Variants in CELF2 observed in about 807,000 individuals in gnomAD.
The protein encoded by CELF2 is CUG triplet repeat RNA-binding protein 2.
A neutral mutation model predicts 62.6 loss-of-function variants in CELF2; 8 were observed. The ratio of observed to expected loss-of-function variants is 0.13; its 90% CI spans 0.07 to 0.23. The LOEUF (loss-of-function observed/expected upper bound fraction) is 0.23, where lower values mean the gene tolerates loss of function less well. Among genes scored for constraint, CELF2 ranks in the 10% least tolerant of loss-of-function variants. The probability of loss-of-function intolerance (pLI) is 1.00; values close to 1 mark genes in which losing one functional copy is unlikely to be tolerated. For missense variants in CELF2, 333 were observed against 671.0 expected (o/e 0.50, Z 5.56); for synonymous variants, 258 against 250.0 (o/e 1.03, Z -0.30).
At chr10:11,176,675 A>G (rs2071266392) in intron 2 of CELF2, among the ~76,000 whole-genome samples, 2 of 152,160 alleles carry the variant, frequency 1.3e-5, no homozygotes, top group Admixed American at 1.3e-4. Context: ...GACTAGATGG[A>G]CTAGAAAACA....
the CELF2 span, among the ~76,000 whole-genome samples, chr10:10,575,644 GC>G: frequency 6.6e-6 from 1 of 152,152 alleles, no homozygotes; most frequent in Non-Finnish European, 1.5e-5. Flanking sequence ...AGAATTGAAA[GC>G]TTAGCTTCCC....
chr10:10,913,899 G>A (rs554218595), intron 1 of CELF2, among the ~76,000 whole-genome samples: 15 of 45,912 alleles, frequency 3.3e-4, no homozygotes, highest in Non-Finnish European at 3.8e-4. Context: ...GGAAGGGAGG[G>A]AGGGAGGGAC....
the CELF2 span, among the ~76,000 whole-genome samples, chr10:10,724,948 A>G: frequency 8.1e-6 from 1 of 123,322 alleles, no homozygotes; most frequent in Non-Finnish European, 1.9e-5. Flanking sequence ...TTTTTAGTTG[A>G]GTCATAAAAC....
At chr10:11,279,226 C>T (rs912843760) in intron 8 of CELF2, among the ~76,000 whole-genome samples, 1 of 152,114 alleles carries the variant, frequency 6.6e-6, no homozygotes, top group African/African-American at 2.4e-5. Context: ...AATTCTGATT[C>T]TGAGTAAAGC....
chr10:10,907,484 A>G (rs1172752756), intron 1 of CELF2, among the ~76,000 whole-genome samples: 1 of 152,190 alleles, frequency 6.6e-6, no homozygotes, highest in East Asian at 1.9e-4. Flanking sequence ...GCTAACTGTA[A>G]TTGCACTCAA....
chr10:11,116,580 CAGTT>C (rs1456177243), intron 1 of CELF2, among the ~76,000 whole-genome samples: 4 of 152,192 alleles, frequency 2.6e-5, no homozygotes, highest in African/African-American at 9.6e-5. Context: ...TTGGCAAAAT[CAGTT>C]GGTGGTTTTC....
At chr10:10,830,735 G>T (rs1041013159) in intron 1 of CELF2, among the ~76,000 whole-genome samples, 1 of 151,960 alleles carries the variant, frequency 6.6e-6, no homozygotes, top group Admixed American at 6.6e-5. Context: ...TTCGCGTAAA[G>T]AAAATAAGAG....
At chr10:10,909,341 G>A (rs1337755738) in intron 1 of CELF2, among the ~76,000 whole-genome samples, 1 of 152,160 alleles carries the variant, frequency 6.6e-6, no homozygotes, top group Non-Finnish European at 1.5e-5. Context: ...ATAGTACCTG[G>A]TAGGAGGAAA....
At chr10:10,977,452 A>G (rs2051482955) in intron 2 of CELF2, among the ~76,000 whole-genome samples, 1 of 152,240 alleles carries the variant, frequency 6.6e-6, no homozygotes, top group African/African-American at 2.4e-5. Context: ...GAGATCTTTC[A>G]AAACAAAACT....
chr10:10,616,882 A>G, the CELF2 span, among the ~76,000 whole-genome samples: 1 of 151,614 alleles, frequency 6.6e-6, no homozygotes, highest in Non-Finnish European at 1.5e-5. Flanking sequence ...ACCATTACGC[A>G]TGTAGCTGGG....
At position 11,025,239 on chromosome 10, in the gene CELF2, G is replaced by GTGTGTGTGTATATATATATA. The variant is rs61580670; in HGVS notation, c.74+7077_74+7078insGTGTGTGTATATATATATAT. ...TGTGTGTGTGTGTGTGTGTGTGTGT[G>GTGTGTGTGTATATATATATA]TATATGTATGTGACTGTATATCTGG... On this transcript the variant is annotated intron_variant, in intron 1 of 12. Transcript: ENST00000633077. Among the ~76,000 whole-genome samples, 670 of 141,064 alleles carry GTGTGTGTGTATATATATATA rather than the reference G, an allele frequency of 4.7e-3. 2 individuals are homozygous for GTGTGTGTGTATATATATATA. Among genetic ancestry groups the GTGTGTGTGTATATATATATA allele is most frequent in the Middle Eastern group, 0.014 (4 of 282 alleles). 92.5% of individuals were successfully genotyped at this position (141,064 alleles called of 152,430 possible). A position where few individuals can be genotyped will look rare whatever the true frequency, so the allele number is the denominator to read the frequency against.
intron 1 of CELF2, among the ~76,000 whole-genome samples, chr10:10,807,242 A>G (rs1391916015): frequency 6.6e-6 from 1 of 152,210 alleles, no homozygotes; most frequent in East Asian, 1.9e-4. Context: ...GGTCCCCAAA[A>G]TATTTTAATG....
At chr10:11,286,107 G>T (rs1399887555) in intron 8 of CELF2, among the ~76,000 whole-genome samples, 8 of 152,192 alleles carry the variant, frequency 5.3e-5, no homozygotes, top group Non-Finnish European at 1.0e-4. Context: ...GGGGCAGAAG[G>T]CTCTGCCAAG....
At chr10:10,679,452 G>A in the CELF2 span, among the ~76,000 whole-genome samples, 1 of 152,024 alleles carries the variant, frequency 6.6e-6, no homozygotes, top group South Asian at 2.1e-4. Flanking sequence ...ACCATGCCCG[G>A]CTAATTTTTG....
At chr10:11,062,652 G>C (rs2067074189) in intron 1 of CELF2, among the ~76,000 whole-genome samples, 2 of 152,214 alleles carry the variant, frequency 1.3e-5, no homozygotes, top group African/African-American at 4.8e-5. Context: ...CAGATGAGCA[G>C]TTGCTTCTTA....
At chr10:11,035,692 A>G (rs960743515) in intron 1 of CELF2, among the ~76,000 whole-genome samples, 4 of 152,190 alleles carry the variant, frequency 2.6e-5, no homozygotes, top group East Asian at 1.9e-4. Context: ...TTTTTGAAAT[A>G]TGTGTGTTTG....
chr10:11,118,591 G>C (rs1393426442), intron 1 of CELF2, among the ~76,000 whole-genome samples: 2 of 152,166 alleles, frequency 1.3e-5, no homozygotes, highest in African/African-American at 2.4e-5. Flanking sequence ...GGTGACTTCA[G>C]ATTTTTGCGT....
At chr10:11,252,202 C>CT (rs1377840917) in intron 4 of CELF2, among the ~76,000 whole-genome samples, 5 of 152,318 alleles carry the variant, frequency 3.3e-5, no homozygotes, top group Non-Finnish European at 7.4e-5. Context: ...ATAAAAGCCA[C>CT]AAGCCTTTTC....
chr10:10,594,635 G>C, the CELF2 span, among the ~76,000 whole-genome samples: 2 of 152,196 alleles, frequency 1.3e-5, no homozygotes, highest in Non-Finnish European at 2.9e-5. Context: ...AAGAATCAAA[G>C]GTCATCAGGT....
Sources: allele counts gnomAD v4.1 joint callset (sites outside exome capture counted in the v4.1 genomes callset), GRCh38; gene constraint gnomAD v4.1.1; transcripts MANE v1.5; gene names NCBI Gene and HGNC (gene_info 2026-07-23, HGNC 2026-07-21).